MTA3: variants seen among roughly 807,000 people sequenced by gnomAD.
The protein encoded by MTA3 is metastasis-associated protein MTA3.
Under a neutral mutation model 83.5 loss-of-function variants are expected in MTA3, and 34 were observed. The ratio of observed to expected loss-of-function variants is 0.41; its 90% CI spans 0.31 to 0.54. The LOEUF is 0.54. MTA3 is among the 20% of genes least tolerant of loss of function. The pLI is 0.33. For synonymous variants in MTA3, 303 were observed against 252.7 expected (o/e 1.20, Z -1.89); for missense variants, 761 against 726.4 (o/e 1.05, Z -0.55).
chr2:42,645,680 C>G (rs923064012), intron 6 of MTA3, among the ~76,000 whole-genome samples: 2 of 151,932 alleles, frequency 1.3e-5, no homozygotes, highest in Non-Finnish European at 2.9e-5. Flanking sequence ...GGCCCTAAGT[C>G]TCTTCAATTC....
rs113934382 is a variant in MTA3 at position 42,596,380 on chromosome 2, A to C, written c.191-13078A>C. ...AAATCTATTTTTTATCACAGCATTA[A>C]AGTAATCAACTTTCATTTAAAAGGA... is the stretch of plus-strand genomic sequence containing the variant. On this transcript the variant is annotated intron_variant, in intron 3 of 16. Transcript: ENST00000405094. 8.9e-3 allele frequency among the ~76,000 whole-genome samples: 1,349 copies of C among 152,322 alleles called. 25 individuals carry two copies. The highest frequency in any genetic ancestry group is 0.031 in the African/African-American group (1,279 of 41,570).
At chr2:42,695,013 C>G (rs919332066) in intron 9 of MTA3, among the ~76,000 whole-genome samples, 1 of 152,028 alleles carries the variant, frequency 6.6e-6, no homozygotes, top group Non-Finnish European at 1.5e-5. Context: ...TGGTGTCACA[C>G]CTATAGTCCC....
chr2:42,662,065 GC>G (rs1689772800), intron 8 of MTA3, among the ~76,000 whole-genome samples: 2 of 152,096 alleles, frequency 1.3e-5, no homozygotes, highest in Non-Finnish European at 2.9e-5. Flanking sequence ...TGTAACACTT[GC>G]CATTTGCCCA....
At chr2:42,697,704 A>G (rs547715618) in intron 10 of MTA3, 72 bp from the exon 11 acceptor site, 2 of 1,086,230 alleles carry the variant, frequency 1.8e-6, no homozygotes, top group Non-Finnish European at 2.6e-6. Context: ...TTTCTTGTGA[A>G]TTTTTAAGAC....
intron 4 of MTA3, among the ~76,000 whole-genome samples, chr2:42,628,840 G>A (rs993265431): frequency 8.1e-5 from 12 of 148,970 alleles, no homozygotes; most frequent in South Asian, 2.1e-4. Context: ...ATTTTTCCTC[G>A]GGTTGTCCTA....
At chr2:42,584,935 ATTT>A (rs879751312) in intron 3 of MTA3, among the ~76,000 whole-genome samples, 2 of 142,462 alleles carry the variant, frequency 1.4e-5, no homozygotes, top group East Asian at 2.1e-4. Context: ...AAGCCATAAG[ATTT>A]TTTTTTTTTT....
At chr2:42,739,529 G>T (rs1322508553) in intron 16 of MTA3, among the ~76,000 whole-genome samples, 1 of 151,404 alleles carries the variant, frequency 6.6e-6, no homozygotes, top group Non-Finnish European at 1.5e-5. Context: ...CCTCAATGTT[G>T]ATGGCCACTG....
chr2:42,501,620 G>A lies in MTA3; in HGVS notation c.-141+6366G>A, dbSNP rs565763929. 9.9e-5 allele frequency among the ~76,000 whole-genome samples: 15 copies of A among 152,222 alleles called. No individual in the cohort carries two copies. In the South Asian group the frequency reaches 2.1e-3, roughly 21 times the overall value. On this transcript the variant is annotated intron_variant, in intron 2 of 17. Transcript: ENST00000405592. The stretch of plus-strand genomic sequence containing the variant: ...CAAACACTGGCATCAGGATTGCAGC[G>A]AGACAAAGTGAGGCATTTATTACAG...
At chr2:42,572,106 T>G (rs1362259457) in intron 2 of MTA3, among the ~76,000 whole-genome samples, 1 of 151,368 alleles carries the variant, frequency 6.6e-6, no homozygotes, top group East Asian at 1.9e-4. Flanking sequence ...TGAAACCCCG[T>G]CTCTACTAAA....
intron 2 of MTA3, among the ~76,000 whole-genome samples, chr2:42,531,125 C>T (rs888807481): frequency 5.3e-5 from 8 of 152,130 alleles, no homozygotes; most frequent in African/African-American, 1.4e-4. Flanking sequence ...CTACCATGCC[C>T]GGCCCCATGT....
At chr2:42,537,509 G>A (rs940484130) in intron 2 of MTA3, among the ~76,000 whole-genome samples, 1 of 151,808 alleles carries the variant, frequency 6.6e-6, no homozygotes, top group African/African-American at 2.4e-5. Context: ...AGGTTGCAGT[G>A]AGCTGAGATC....
At chr2:42,505,166 G>A (rs1674575909) in intron 2 of MTA3, among the ~76,000 whole-genome samples, 1 of 152,056 alleles carries the variant, frequency 6.6e-6, no homozygotes, top group Non-Finnish European at 1.5e-5. Flanking sequence ...GGCTGAGGTG[G>A]GTGGATCACG....
At chr2:42,630,665 T>G (rs1686587133) in intron 4 of MTA3, among the ~76,000 whole-genome samples, 1 of 152,204 alleles carries the variant, frequency 6.6e-6, no homozygotes, top group Non-Finnish European at 1.5e-5. Context: ...ATTTTTGGTT[T>G]TTTTAGTCTT....
chr2:42,611,195 G>A (rs1684162620), intron 4 of MTA3, among the ~76,000 whole-genome samples: 1 of 151,832 alleles, frequency 6.6e-6, no homozygotes, highest in South Asian at 2.1e-4. Context: ...ATGTTGGCCA[G>A]GCTGGTCTCG....
Position 42,753,567 on chromosome 2 carries a change from G to A in MTA3, c.*168G>A, listed in dbSNP as rs1004680404. On this transcript the variant is annotated 3_prime_UTR_variant, in exon 17 of 17. Coordinates refer to ENST00000405094, the MANE Select transcript of MTA3 (RefSeq NM_001330442.2). ...CGGGGAAGGAACTGTGGGAGTGCAC[G>A]TTCCAAATCCTGTGTCTCCACGTGT... 1.8e-4 allele frequency: 259 copies of A among 1,442,102 alleles called. No individual in the cohort carries two copies. Among genetic ancestry groups the A allele is most frequent in the Non-Finnish European group, 2.2e-4 (241 of 1,097,218 alleles). The allele number at this position is 1,442,102 out of a possible 1,614,324, so 89.3% of individuals were successfully genotyped here.
intron 4 of MTA3, among the ~76,000 whole-genome samples, chr2:42,629,865 G>C (rs1282181517): frequency 6.6e-6 from 1 of 151,728 alleles, no homozygotes; most frequent in East Asian, 1.9e-4. Flanking sequence ...TGCAACCTCT[G>C]CCTCCCAGGT....
At chr2:42,566,509 G>T (rs570761253), upstream of MTA3, among the ~76,000 whole-genome samples, 1 of 152,212 alleles carries the variant, frequency 6.6e-6, no homozygotes, top group Non-Finnish European at 1.5e-5. Flanking sequence ...CGGTTCTAAG[G>T]CCTGCCACCA....
intron 6 of MTA3, among the ~76,000 whole-genome samples, chr2:42,646,268 G>T (rs578219604): frequency 6.6e-6 from 1 of 152,342 alleles, no homozygotes; most frequent in Admixed American, 6.5e-5. Context: ...GTACAAGGAG[G>T]TGAATGTTGT....
intron 3 of MTA3, among the ~76,000 whole-genome samples, chr2:42,593,577 A>G (rs1681302716): frequency 6.6e-6 from 1 of 152,150 alleles, no homozygotes; most frequent in Non-Finnish European, 1.5e-5. Flanking sequence ...GCTTCATTAT[A>G]ACCTTAAGGG....
Sources: gnomAD v4.1 joint callset for allele counts (sites outside exome capture counted in the v4.1 genomes callset) on GRCh38, gnomAD v4.1.1 for gene constraint, MANE v1.5 for transcripts, NCBI Gene and HGNC (gene_info 2026-07-23, HGNC 2026-07-21) for gene names.